CNTNAP5: variants seen among roughly 807,000 people sequenced by gnomAD.
The protein encoded by CNTNAP5 is contactin associated protein family member 5, also known as contactin-associated protein-like 5.
CNTNAP5 carries 72 observed loss-of-function variants against 150.2 expected under a neutral mutation model. The observed-to-expected ratio is 0.48, with a 90% confidence interval of 0.40 to 0.58. The LOEUF (loss-of-function observed/expected upper bound fraction) is 0.58. Among genes scored for constraint, CNTNAP5 ranks in the 20% least tolerant of loss-of-function variants. CNTNAP5 has a pLI of 0.00. For missense variants in CNTNAP5, 1,636 were observed against 1,626.2 expected (o/e 1.01, Z -0.10); for synonymous variants, 672 against 619.8 (o/e 1.08, Z -1.25).
At chr2:124,129,033 A>C (rs545977447) in intron 1 of CNTNAP5, among the ~76,000 whole-genome samples, 1 of 152,066 alleles carries the variant, frequency 6.6e-6, no homozygotes, top group Non-Finnish European at 1.5e-5. Context: ...CACATTGTGC[A>C]CATGTACCCT....
At chr2:124,169,003 T>G (rs1220321284) in intron 1 of CNTNAP5, among the ~76,000 whole-genome samples, 1 of 152,202 alleles carries the variant, frequency 6.6e-6, no homozygotes, top group East Asian at 1.9e-4. Flanking sequence ...ACCTCTTCCT[T>G]GAATCACGAT....
chr2:124,778,031 C>T (rs1361495235), intron 17 of CNTNAP5, among the ~76,000 whole-genome samples: 3 of 152,052 alleles, frequency 2.0e-5, no homozygotes, highest in African/African-American at 4.8e-5. Context: ...GTGAAACTGG[C>T]ATTCTAATTG....
chr2:124,035,956 C>T (rs1045324467), intron 1 of CNTNAP5, among the ~76,000 whole-genome samples: 17 of 111,930 alleles, frequency 1.5e-4, no homozygotes, highest in Non-Finnish European at 2.5e-4. Flanking sequence ...CTCGCTCTGT[C>T]GCCCAGGCCG....
At chr2:124,832,620 C>CA (rs1254788269) in intron 19 of CNTNAP5, among the ~76,000 whole-genome samples, 1 of 151,692 alleles carries the variant, frequency 6.6e-6, no homozygotes. Flanking sequence ...CTTCTTTTAC[C>CA]TTTTTTTTCC....
chr2:124,480,390 A>G (rs752139889), intron 7 of CNTNAP5, among the ~76,000 whole-genome samples: 15 of 152,334 alleles, frequency 9.8e-5, no homozygotes, highest in East Asian at 9.7e-4. Context: ...CTCTGCTGTC[A>G]TGCAACTTAT....
At chr2:124,772,140 A>G (rs1020824427) in intron 16 of CNTNAP5, among the ~76,000 whole-genome samples, 2 of 152,008 alleles carry the variant, frequency 1.3e-5, no homozygotes, top group African/African-American at 4.8e-5. Context: ...TGCCATCACC[A>G]TTGTCATTTC....
At chr2:124,467,455 A>G (rs1020154558) in intron 6 of CNTNAP5, among the ~76,000 whole-genome samples, 4 of 152,174 alleles carry the variant, frequency 2.6e-5, no homozygotes, top group Non-Finnish European at 4.4e-5. Flanking sequence ...CAAATCTTCC[A>G]TAGTGGTAAT....
intron 21 of CNTNAP5, among the ~76,000 whole-genome samples, chr2:124,885,102 A>G (rs1349123350): frequency 1.3e-5 from 2 of 151,946 alleles, no homozygotes; most frequent in Non-Finnish European, 2.9e-5. Context: ...GCCAGGTATG[A>G]TGTCTGAAAT....
Position 124,246,349 on chromosome 2 carries a change from A to G in CNTNAP5, c.381+3956A>G, listed in dbSNP as rs377462962. 3.9e-4 allele frequency among the ~76,000 whole-genome samples: 59 copies of G among 152,248 alleles called. No homozygotes were observed. In the South Asian group the frequency reaches 6.4e-3, roughly 17 times the overall value. ...ATGCTCATGAATGAGGTCACCAAAC[A>G]GCCACTTAGTGATGCACCATGATTT... On this transcript the variant is annotated intron_variant, in intron 3 of 23. Transcript: ENST00000682447.
At chr2:124,831,422 T>C (rs1346564744) in intron 19 of CNTNAP5, among the ~76,000 whole-genome samples, 1 of 152,024 alleles carries the variant, frequency 6.6e-6, no homozygotes, top group Non-Finnish European at 1.5e-5. Context: ...CTGGTTCCTT[T>C]CTATCTTGTT....
intron 3 of CNTNAP5, among the ~76,000 whole-genome samples, chr2:124,323,012 A>G (rs1689135735): frequency 6.6e-6 from 1 of 152,230 alleles, no homozygotes; most frequent in African/African-American, 2.4e-5. Flanking sequence ...CTTATAAACA[A>G]AAAACATTTA....
At chr2:124,451,051 A>AAAATATATATAT (rs1360743225) in intron 6 of CNTNAP5, among the ~76,000 whole-genome samples, 2 of 65,288 alleles carry the variant, frequency 3.1e-5, no homozygotes, top group African/African-American at 1.4e-4. Flanking sequence ...AAAAAAAAAA[A>AAAATATATATAT]ATATATATAT....
intron 3 of CNTNAP5, among the ~76,000 whole-genome samples, chr2:124,285,097 C>G (rs577006380): frequency 6.6e-6 from 1 of 152,102 alleles, no homozygotes; most frequent in Non-Finnish European, 1.5e-5. Context: ...AATATGCATT[C>G]AATAGTTTGG....
At chr2:124,210,333 T>C (rs1036310915) in intron 1 of CNTNAP5, among the ~76,000 whole-genome samples, 1 of 152,224 alleles carries the variant, frequency 6.6e-6, no homozygotes, top group Non-Finnish European at 1.5e-5. Flanking sequence ...TTCTGCATGA[T>C]ATAAAGATAT....
At chr2:124,248,507 G>A (rs1687085583) in intron 3 of CNTNAP5, among the ~76,000 whole-genome samples, 1 of 152,186 alleles carries the variant, frequency 6.6e-6, no homozygotes, top group Admixed American at 6.5e-5. Flanking sequence ...AAAGGAAACA[G>A]GGAAAAACTG....
chr2:124,598,580 G>C (rs1290196615), intron 11 of CNTNAP5, among the ~76,000 whole-genome samples: 2 of 150,954 alleles, frequency 1.3e-5, no homozygotes, highest in African/African-American at 4.9e-5. Context: ...GTCTGCAGAG[G>C]TTACTGCTGT....
At chr2:124,114,499 A>G (rs1216958855) in intron 1 of CNTNAP5, among the ~76,000 whole-genome samples, 2 of 151,978 alleles carry the variant, frequency 1.3e-5, no homozygotes, top group Non-Finnish European at 2.9e-5. Flanking sequence ...TAACCTCATG[A>G]ATCCTAATAA....
chr2:124,351,369 C>T (rs959245766), intron 3 of CNTNAP5, among the ~76,000 whole-genome samples: 1 of 152,140 alleles, frequency 6.6e-6, no homozygotes, highest in Non-Finnish European at 1.5e-5. Flanking sequence ...TACATCCTGG[C>T]TCCACTGGCT....
intron 13 of CNTNAP5, among the ~76,000 whole-genome samples, chr2:124,652,235 G>T (rs1194132929): frequency 6.6e-6 from 1 of 152,158 alleles, no homozygotes; most frequent in Non-Finnish European, 1.5e-5. Context: ...GATTCTCATG[G>T]ATCTTTGTCT....
Sources: allele counts gnomAD v4.1 joint callset (sites outside exome capture counted in the v4.1 genomes callset), GRCh38; gene constraint gnomAD v4.1.1; transcripts MANE v1.5; gene names NCBI Gene and HGNC (gene_info 2026-07-23, HGNC 2026-07-21).